ARHGEF38: variants seen among roughly 807,000 people sequenced by gnomAD.
ARHGEF38 encodes Rho guanine nucleotide exchange factor (GEF) 38.
ARHGEF38 carries 79 observed loss-of-function variants against 79.9 expected under a neutral mutation model. The ratio of observed to expected loss-of-function variants is 0.99; its 90% confidence interval spans 0.82 to 1.19. ARHGEF38 has a LOEUF of 1.19. Among genes scored for constraint, ARHGEF38 ranks in the 50% most tolerant of loss-of-function variants. The pLI, the probability that ARHGEF38 is intolerant of heterozygous loss-of-function variation, is 0.00. For missense variants in ARHGEF38, 962 were observed against 907.2 expected, an observed-to-expected ratio of 1.06 and a Z score of -0.78; for synonymous variants, 366 against 328.3, an observed-to-expected ratio of 1.11 and a Z score of -1.24.
At position 105,561,439 on chromosome 4, in the gene ARHGEF38, A is replaced by AGAATAGAATAGAATGGAATGGAATG. The variant is rs1725557117; in HGVS notation, c.196+8487_196+8488insAGAATGGAATGGAATGGAATAGAAT. 3.4e-4 allele frequency among the ~76,000 whole-genome samples: 15 copies of AGAATAGAATAGAATGGAATGGAATG among 44,680 alleles called. 1 individual carries two copies. The highest frequency in any genetic ancestry group is 5.6e-4 in the Non-Finnish European group (13 of 23,108). 29.3% of individuals were successfully genotyped at this position (44,680 alleles called of 152,430 possible). A position where few individuals can be genotyped will look rare whatever the true frequency, so the allele number is the denominator to read the frequency against. On this transcript the variant is annotated intron_variant, in intron 1 of 13. Coordinates refer to ENST00000420470, the MANE Select transcript of ARHGEF38 (RefSeq NM_001242729.2). ...AGAATAGAATGGAATAGAATAGAAT[A>AGAATAGAATAGAATGGAATGGAATG]GAATAGAATGGAATAGAATAGAATA...
intron 9 of ARHGEF38, among the ~76,000 whole-genome samples, chr4:105,658,681 C>T (rs1320101075): frequency 6.6e-6 from 1 of 152,038 alleles, no homozygotes; most frequent in Admixed American, 6.6e-5. Context: ...AGAGATTCCC[C>T]CCTACCCTCA....
At chr4:105,648,848 T>TCTTTC (rs1729970218) in intron 7 of ARHGEF38, among the ~76,000 whole-genome samples, 166 bp downstream of exon 7, 4 of 108,620 alleles carry the variant, frequency 3.7e-5, no homozygotes, top group African/African-American at 2.2e-4. Context: ...CTCTCTCTCT[T>TCTTTC]TCTCTCTCTC....
chr4:105,589,164 A>G (rs781605458), intron 1 of ARHGEF38, 84 bp from the exon 2 acceptor site: 59 of 1,130,260 alleles, frequency 5.2e-5, no homozygotes, highest in Admixed American at 1.0e-4. Flanking sequence ...CCTTGTTAAC[A>G]AAGTCCTTCG....
Position 105,679,363 on chromosome 4 carries a change from G to T in ARHGEF38, c.*1426G>T. 8.5e-7 allele frequency: 1 copy of T among 1,170,326 alleles called. No homozygotes were observed. Among genetic ancestry groups the T allele is most frequent in the Non-Finnish European group, 1.3e-6 (1 of 782,302 alleles). 72.5% of individuals were successfully genotyped at this position (1,170,326 alleles called of 1,614,324 possible). A position where few individuals can be genotyped will look rare whatever the true frequency, so the allele number is the denominator to read the frequency against. On this transcript the variant is annotated 3_prime_UTR_variant, in exon 14 of 14. Coordinates refer to ENST00000420470, the MANE Select transcript of ARHGEF38 (RefSeq NM_001242729.2). ...AAGCAAACACCCATATTTCCTTTCA[G>T]GAGGCACACTCTGGTAATCTGAGAC...
At chr4:105,682,200 T>C (rs1159421158), downstream of ARHGEF38, among the ~76,000 whole-genome samples, 4 of 152,028 alleles carry the variant, frequency 2.6e-5, no homozygotes, top group African/African-American at 7.2e-5. Context: ...ATATGAAGTA[T>C]GATAAATCAA....
intron 7 of ARHGEF38, among the ~76,000 whole-genome samples, chr4:105,652,574 G>A (rs539108034): frequency 1.3e-5 from 2 of 152,190 alleles, no homozygotes; most frequent in South Asian, 2.1e-4. Flanking sequence ...AAAGAAAACA[G>A]CATGGAAAAG....
intron 5 of ARHGEF38, among the ~76,000 whole-genome samples, chr4:105,636,945 TA>T (rs779458774): frequency 3.3e-5 from 5 of 152,070 alleles, no homozygotes; most frequent in Non-Finnish European, 7.4e-5. Context: ...TAGGACAATA[TA>T]GAAATTATTT....
At chr4:105,562,548 G>T (rs1371905305) in intron 1 of ARHGEF38, among the ~76,000 whole-genome samples, 2 of 152,084 alleles carry the variant, frequency 1.3e-5, no homozygotes, top group Non-Finnish European at 2.9e-5. Context: ...TTTAATTAAA[G>T]AAGAGACTAG....
intron 2 of ARHGEF38, among the ~76,000 whole-genome samples, chr4:105,599,392 T>C (rs1405639595): frequency 6.6e-6 from 1 of 152,142 alleles, no homozygotes; most frequent in Non-Finnish European, 1.5e-5. Context: ...CAGTGCAGGA[T>C]TTGGGATGCC....
Position 105,677,896 on chromosome 4 carries a change from T to C in ARHGEF38, c.2293T>C (p.Tyr765His). 1 of 1,533,716 alleles carries C rather than the reference T, an allele frequency of 6.5e-7. No individual in the cohort carries two copies. Among genetic ancestry groups the C allele is most frequent in the Non-Finnish European group, 8.7e-7 (1 of 1,145,306 alleles). ...AGCTGAAGCTCAAGGGCAGAAAGGA[T>C]ACGTGCCAGCTAACTACCTTGGAAA... The part of the protein sequence containing the change: ...WLAEAQGQKG[Y>H]VPANYLGKMT... Residue 765 changes from tyrosine to histidine, a missense_variant, in exon 14 of 14, where the codon TAC becomes CAC. Coordinates refer to ENST00000420470, the MANE Select transcript of ARHGEF38 (RefSeq NM_001242729.2).
At chr4:105,645,910 T>C (rs567910373) in intron 6 of ARHGEF38, among the ~76,000 whole-genome samples, 1 of 152,370 alleles carries the variant, frequency 6.6e-6, no homozygotes, top group South Asian at 2.1e-4. Flanking sequence ...TAGCAAATTA[T>C]TGTTAACTAT....
chr4:105,593,803 T>A (rs532679426), intron 2 of ARHGEF38, among the ~76,000 whole-genome samples: 1 of 152,184 alleles, frequency 6.6e-6, no homozygotes, highest in Non-Finnish European at 1.5e-5. Context: ...TGGCTTCCTA[T>A]GAAACTCTTA....
chr4:105,601,540 A>AG (rs1311829459), intron 2 of ARHGEF38, among the ~76,000 whole-genome samples: 1 of 152,150 alleles, frequency 6.6e-6, no homozygotes, highest in Non-Finnish European at 1.5e-5. Context: ...GTGGCCAAAT[A>AG]GGGCTCATTT....
chr4:105,662,532 A>T (rs1037746584), intron 10 of ARHGEF38, among the ~76,000 whole-genome samples: 2 of 151,996 alleles, frequency 1.3e-5, no homozygotes, highest in Non-Finnish European at 2.9e-5. Flanking sequence ...AGGGTTTCAT[A>T]TTTTTTTATT....
chr4:105,664,276 A>C (rs1289782649), intron 10 of ARHGEF38, among the ~76,000 whole-genome samples: 2 of 152,210 alleles, frequency 1.3e-5, no homozygotes, highest in African/African-American at 4.8e-5. Flanking sequence ...GTAGTTATTC[A>C]GGTTTGATGA....
At chr4:105,653,802 A>G (rs1351366653) in intron 7 of ARHGEF38, among the ~76,000 whole-genome samples, 11 of 152,340 alleles carry the variant, frequency 7.2e-5, no homozygotes, top group Admixed American at 7.2e-4. Flanking sequence ...ACAATACCAC[A>G]TCTACTGTGA....
chr4:105,632,366 C>CT (rs1310072495), intron 4 of ARHGEF38, among the ~76,000 whole-genome samples: 1 of 152,060 alleles, frequency 6.6e-6, no homozygotes, highest in Non-Finnish European at 1.5e-5. Flanking sequence ...AGATTCTGCC[C>CT]TAAGGAACTC....
At chr4:105,651,860 G>A (rs10004864) in intron 7 of ARHGEF38, among the ~76,000 whole-genome samples, 198 of 152,304 alleles carry the variant, frequency 1.3e-3, no homozygotes, top group African/African-American at 4.4e-3. Context: ...GAATCCAGAT[G>A]AGCTCTGCTT....
At chr4:105,565,467 G>A (rs1438214133) in intron 1 of ARHGEF38, among the ~76,000 whole-genome samples, 1 of 152,182 alleles carries the variant, frequency 6.6e-6, no homozygotes, top group Non-Finnish European at 1.5e-5. Flanking sequence ...TATTGGGGCA[G>A]ATATGAAATT....
Sources: gnomAD v4.1 joint callset for allele counts (sites outside exome capture counted in the v4.1 genomes callset) on GRCh38, gnomAD v4.1.1 for gene constraint, MANE v1.5 for transcripts, NCBI Gene and HGNC (gene_info 2026-07-23, HGNC 2026-07-21) for gene names.